LYPLAL1: variants seen among roughly 807,000 people sequenced by gnomAD.
The protein encoded by LYPLAL1 is lysophospholipase like 1, also known as lysophospholipase-like protein 1.
In LYPLAL1, 23 loss-of-function variants were observed where a neutral mutation model predicts 19.7. That is an observed-to-expected ratio of 1.17 (90% CI 0.84 to 1.65). The LOEUF (loss-of-function observed/expected upper bound fraction) is 1.65, where lower values mean the gene tolerates loss of function less well. LYPLAL1 is among the 40% of genes most tolerant of loss of function. LYPLAL1 has a pLI of 0.00. For synonymous variants in LYPLAL1, 119 were observed against 96.3 expected, an observed-to-expected ratio of 1.24 and a Z score of -1.38; for missense variants, 355 against 279.4, an observed-to-expected ratio of 1.27 and a Z score of -1.93.
chr1:219,222,694 A>G, the LYPLAL1 span: 28 of 152,166 alleles, frequency 1.8e-4, no homozygotes, highest in African/African-American at 4.6e-4. Context: ...TTTACACTCA[A>G]TGCAAGTGTG....
the LYPLAL1 span, among the ~76,000 whole-genome samples, chr1:219,313,882 T>C: frequency 1.3e-5 from 2 of 152,294 alleles, no homozygotes; most frequent in East Asian, 3.9e-4. Context: ...CATAGGTAAA[T>C]TGAGTGTCAC....
chr1:219,331,366 C>G, the LYPLAL1 span, among the ~76,000 whole-genome samples: 1 of 152,156 alleles, frequency 6.6e-6, no homozygotes, highest in African/African-American at 2.4e-5. Flanking sequence ...TACTCTCATT[C>G]ACACATCTGC....
chr1:219,336,990 A>T, the LYPLAL1 span, among the ~76,000 whole-genome samples: 1 of 151,990 alleles, frequency 6.6e-6, no homozygotes, highest in Non-Finnish European at 1.5e-5. Flanking sequence ...TGAAGGCTCC[A>T]GGGGAGCCTG....
chr1:219,252,198 A>C, the LYPLAL1 span, among the ~76,000 whole-genome samples: 1 of 151,902 alleles, frequency 6.6e-6, no homozygotes, highest in Non-Finnish European at 1.5e-5. Context: ...AGACTATGGG[A>C]TCTTCCAGAT....
chr1:219,284,604 A>G, the LYPLAL1 span, among the ~76,000 whole-genome samples: 2,986 of 152,248 alleles, frequency 0.02, 116 homozygotes, highest in African/African-American at 0.067. Context: ...AGCAGCAACT[A>G]TACATATGCT....
At chr1:219,383,452 A>C in the LYPLAL1 span, among the ~76,000 whole-genome samples, 2 of 152,206 alleles carry the variant, frequency 1.3e-5, no homozygotes, top group Admixed American at 6.5e-5. Flanking sequence ...GTATCACTGC[A>C]CTACCACAGG....
the LYPLAL1 span, among the ~76,000 whole-genome samples, chr1:219,350,488 C>T: frequency 6.6e-6 from 1 of 152,218 alleles, no homozygotes; most frequent in Non-Finnish European, 1.5e-5. Flanking sequence ...ACACTGCCTC[C>T]TCCTTCTGTT....
At chr1:219,299,685 T>C in the LYPLAL1 span, among the ~76,000 whole-genome samples, 1 of 152,192 alleles carries the variant, frequency 6.6e-6, no homozygotes, top group Non-Finnish European at 1.5e-5. Flanking sequence ...AGTGTTGCCC[T>C]TTCATGAGCT....
the LYPLAL1 span, among the ~76,000 whole-genome samples, chr1:219,244,920 A>AC: frequency 2.1e-4 from 32 of 150,670 alleles, no homozygotes; most frequent in Non-Finnish European, 3.6e-4. Flanking sequence ...GCAAAAAAAA[A>AC]AAAAAAACAA....
chr1:219,301,215 G>C, the LYPLAL1 span, among the ~76,000 whole-genome samples: 15 of 152,222 alleles, frequency 9.9e-5, no homozygotes, highest in African/African-American at 3.4e-4. Context: ...TATTGGTTGA[G>C]CATCCTATTT....
chr1:219,384,861 A>G, the LYPLAL1 span, among the ~76,000 whole-genome samples: 21 of 152,256 alleles, frequency 1.4e-4, no homozygotes, highest in African/African-American at 3.9e-4. Flanking sequence ...CAGAGACTAC[A>G]GAGCATTCTG....
At chr1:219,345,726 T>G in the LYPLAL1 span, among the ~76,000 whole-genome samples, 1 of 152,022 alleles carries the variant, frequency 6.6e-6, no homozygotes, top group Admixed American at 6.6e-5. Context: ...AAACACATAT[T>G]GGAAAGGTCA....
the LYPLAL1 span, among the ~76,000 whole-genome samples, chr1:219,425,954 A>G: frequency 6.6e-6 from 1 of 152,234 alleles, no homozygotes; most frequent in Non-Finnish European, 1.5e-5. Context: ...CCATTGTTGA[A>G]GAGTTTTTCT....
chr1:219,369,578 G>A, the LYPLAL1 span, among the ~76,000 whole-genome samples: 4 of 152,192 alleles, frequency 2.6e-5, no homozygotes, highest in Non-Finnish European at 5.9e-5. Flanking sequence ...GGCCAGTTGT[G>A]TAAAATATTT....
intron 3 of LYPLAL1, among the ~76,000 whole-genome samples, chr1:219,201,321 G>C (rs1658079504): frequency 6.7e-6 from 1 of 150,008 alleles, no homozygotes; most frequent in South Asian, 2.1e-4. Flanking sequence ...TTCTAGTGTT[G>C]CTTTTTTTTT....
chr1:219,352,804 GCTTACTACTCC>G, the LYPLAL1 span, among the ~76,000 whole-genome samples: 3 of 152,090 alleles, frequency 2.0e-5, no homozygotes, highest in African/African-American at 7.2e-5. Context: ...CCAGTGTTTG[GCTTACTACTCC>G]CTGGATGGTT....
the LYPLAL1 span, among the ~76,000 whole-genome samples, chr1:219,426,410 A>G: frequency 2.7e-4 from 41 of 152,302 alleles, 1 homozygote; most frequent in East Asian, 6.0e-3. Context: ...AAAAAATTGT[A>G]TGACTGAGAT....
chr1:219,375,184 A>T, the LYPLAL1 span, among the ~76,000 whole-genome samples: 1 of 152,286 alleles, frequency 6.6e-6, no homozygotes, highest in East Asian at 1.9e-4. Flanking sequence ...ACGGCAAAAG[A>T]GGCCGGGCAT....
the LYPLAL1 span, among the ~76,000 whole-genome samples, chr1:219,253,417 C>G: frequency 6.6e-6 from 1 of 151,958 alleles, no homozygotes; most frequent in Non-Finnish European, 1.5e-5. Flanking sequence ...GCATTAAGTG[C>G]TATGAATTTC....
Sources: allele counts gnomAD v4.1 joint callset (sites outside exome capture counted in the v4.1 genomes callset), GRCh38; gene constraint gnomAD v4.1.1; transcripts MANE v1.5; gene names NCBI Gene and HGNC (gene_info 2026-07-23, HGNC 2026-07-21).